SUPT6H: variants seen among roughly 807,000 people sequenced by gnomAD.
SUPT6H encodes the protein SPT6 homolog, histone chaperone and transcription elongation factor, also known as transcription elongation factor SPT6.
In SUPT6H, 11 loss-of-function variants were observed where a neutral mutation model predicts 222.3. That is an observed-to-expected ratio of 0.05 (90% CI 0.03 to 0.08). The LOEUF is 0.08. Ranked by LOEUF, SUPT6H falls within the 10% of genes least tolerant of loss-of-function variation. The probability of loss-of-function intolerance (pLI) is 1.00; values close to 1 mark genes in which losing one functional copy is unlikely to be tolerated. For synonymous variants in SUPT6H, 762 were observed against 801.2 expected (o/e 0.95, Z 0.83); for missense variants, 1,422 against 2,216.0 (o/e 0.64, Z 7.19).
intron 15 of SUPT6H, 74 bp from the exon 16 acceptor site, chr17:28,683,194 A>G: frequency 1.9e-6 from 3 of 1,579,646 alleles, no homozygotes; most frequent in Non-Finnish European, 2.6e-6. Context: ...GTCTGAAAGC[A>G]GAAAGGCTGT....
chr17:28,671,905 G>T (rs2030437170), intron 1 of SUPT6H, among the ~76,000 whole-genome samples: 2 of 152,332 alleles, frequency 1.3e-5, no homozygotes, highest in South Asian at 4.2e-4. Flanking sequence ...TTTATGTTTA[G>T]CCCGTAGGGT....
rs761036826 is a variant in SUPT6H, at chr17:28,687,216, C to T, written c.2829C>T (p.His943=). 6.2e-7 allele frequency: 1 copy of T among 1,614,168 alleles called. No individual in the cohort carries two copies. The highest frequency in any genetic ancestry group is 8.5e-7 in the Non-Finnish European group (1 of 1,180,042). The change falls in exon 22 of 37, where the codon CAC becomes CAT. Residue 943 remains histidine, a synonymous_variant. Coordinates refer to ENST00000314616, the MANE Select transcript of SUPT6H (RefSeq NM_003170.5). ...AAGACATCCTGTGTCTCAAGTTTCA[C>T]CCCTTGCAGGTGAGTAGGATTTGAC... The part of the protein sequence containing the change: ...SDEDILCLKF[H]PLQEHVVKEE...
rs111909384 is a variant in SUPT6H, at chr17:28,678,639, T to C, written c.1206+5T>C. ...GTCTGGCAGTGGGATGAAAAGGTAA[T>C]GTAGATCCGTGGCCCCCAAGAGGTG... On this transcript the variant is annotated splice_donor_5th_base_variant and intron_variant, in intron 10 of 36. Coordinates refer to ENST00000314616, the MANE Select transcript of SUPT6H (RefSeq NM_003170.5). The C allele has an allele frequency of 1.0e-4, 162 of 1,613,952 alleles. No individual in the cohort carries two copies. The African/African-American group carries it at 1.8e-3, about 18-fold the overall frequency.
In SUPT6H at chr17:28,697,686, C is replaced by A; in HGVS notation, c.4276C>A (p.Leu1426Ile). The change falls in exon 31 of 37, where the codon CTT becomes ATT. Residue 1426 changes from leucine (L) to isoleucine (I), a missense_variant. Around this residue, in one of 13 missense-constraint regions of SUPT6H, gnomAD observed 395 missense variants for 580.6 expected, o/e 0.68. Coordinates refer to ENST00000314616, the MANE Select transcript of SUPT6H (RefSeq NM_003170.5). ...VQPMASFARD[L>I]LNHKYYQDCS... ...GCCCATGGCATCCTTTGCCCGGGAC[C>A]TTCTGAATCACAAGTATTATCAGGA... The A allele has an allele frequency of 6.2e-7, 1 of 1,614,222 alleles. No homozygotes were observed. Among genetic ancestry groups the A allele is most frequent in the Non-Finnish European group, 8.5e-7 (1 of 1,180,042 alleles).
chr17:28,683,484 G>GA (rs1870739491), intron 16 of SUPT6H, 62 bp downstream of exon 16: 1 of 1,603,072 alleles, frequency 6.2e-7, no homozygotes, highest in Admixed American at 1.7e-5. Flanking sequence ...CTGGTGGAGG[G>GA]AAGGGCCCCT....
In SUPT6H at chr17:28,697,022, G is replaced by A. The variant is rs1376517296; in HGVS notation, c.4149G>A (p.Val1383=). 1.2e-6 allele frequency: 2 copies of A among 1,613,976 alleles called. No homozygotes were observed. Among genetic ancestry groups the A allele is most frequent in the Non-Finnish European group, 1.7e-6 (2 of 1,180,040 alleles). ...ATGGCATCTACCAGCATGTGGATGT[G>A]CGGGAGGAGGGCAAGGAAAATGCCT... ...VSDGIYQHVD[V]REEGKENAFS... is the part of the protein sequence containing the mutation. Residue 1383 remains valine (V), a synonymous_variant, in exon 30 of 37, where the codon GTG becomes GTA. Coordinates refer to ENST00000314616, the MANE Select transcript of SUPT6H (RefSeq NM_003170.5).
rs945814209 is a variant in SUPT6H at position 28,673,751 on chromosome 17, G to C, written c.109+241G>C. 36 of 497,730 alleles carry C rather than the reference G, an allele frequency of 7.2e-5. No individual in the cohort carries two copies. The East Asian group carries it at 1.1e-3, about 15-fold the overall frequency. 30.8% of individuals were successfully genotyped at this position (497,730 alleles called of 1,614,324 possible). On this transcript the variant is annotated intron_variant, in intron 2 of 36. Coordinates refer to ENST00000314616, the MANE Select transcript of SUPT6H (RefSeq NM_003170.5). ...GCTATTGTGGAGTTTACTTTAGTTG[G>C]GGGGTGGTTGATAATAAATCAGTAG... is the stretch of plus-strand genomic sequence containing the variant.
In SUPT6H at chr17:28,678,654, C is replaced by T. The variant is rs1161766616; in HGVS notation, c.1206+20C>T. On this transcript the variant is annotated intron_variant, in intron 10 of 36. Coordinates refer to ENST00000314616, the MANE Select transcript of SUPT6H (RefSeq NM_003170.5). ...GAAAAGGTAATGTAGATCCGTGGCC[C>T]CCAAGAGGTGTGGGCCAGGGAAGGC... The T allele has an allele frequency of 6.2e-7, 1 of 1,613,392 alleles. No homozygotes were observed. Among genetic ancestry groups the T allele is most frequent in the Non-Finnish European group, 8.5e-7 (1 of 1,179,798 alleles).
intron 1 of SUPT6H, 33 bp from the exon 2 acceptor site, chr17:28,673,338 G>T: frequency 7.2e-7 from 1 of 1,392,324 alleles, no homozygotes; most frequent in South Asian, 1.2e-5. Context: ...TCATGTGTCC[G>T]TTTTTTTATC....
chr17:28,669,442 C>G (rs187836880), intron 1 of SUPT6H, among the ~76,000 whole-genome samples: 1 of 152,150 alleles, frequency 6.6e-6, no homozygotes, highest in South Asian at 2.1e-4. Context: ...CGGCCTGCCT[C>G]GGCCTGGGGT....
chr17:28,686,396 A>G lies in SUPT6H; in HGVS notation c.2545A>G (p.Thr849Ala). The change falls in exon 20 of 37, where the codon ACA (threonine) becomes GCA (alanine). Residue 849 changes from threonine (T) to alanine (A), a missense_variant. By Grantham distance (58) the Thr-to-Ala change is moderately conservative. Transcript: ENST00000314616. ...FLLNKKPHVV[T>A]VAGENRDAQM... Reference sequence around the variant, plus strand: ...CCTGAATAAGAAGCCTCATGTAGTGACAGTTGCAGGAGAGAACAGGTAGGT... The same window carrying G: ...CCTGAATAAGAAGCCTCATGTAGTGGCAGTTGCAGGAGAGAACAGGTAGGT... 6.2e-7 allele frequency: 1 copy of G among 1,614,240 alleles called. No homozygotes were observed. Among genetic ancestry groups the G allele is most frequent in the Non-Finnish European group, 8.5e-7 (1 of 1,180,044 alleles).
chr17:28,685,023 G>C lies in SUPT6H; in HGVS notation c.2487+62G>C, dbSNP rs1345060064. On this transcript the variant is annotated intron_variant, in intron 19 of 36. Coordinates refer to ENST00000314616, the MANE Select transcript of SUPT6H (RefSeq NM_003170.5). ...GGAGTATGTCTTATGATTCAGTGGA[G>C]ATAAGTGTTTACGGTCTAAGCAACA... 51 of 1,483,788 alleles carry C rather than the reference G, an allele frequency of 3.4e-5. 1 individual carries two copies. The highest frequency in any genetic ancestry group is 2.2e-4 in the Middle Eastern group (1 of 4,598). 91.9% of individuals were successfully genotyped at this position (1,483,788 alleles called of 1,614,324 possible). A position where few individuals can be genotyped will look rare whatever the true frequency, so the allele number is the denominator to read the frequency against.
rs111909384 is a variant in SUPT6H at position 28,678,639 on chromosome 17, T to A, written c.1206+5T>A. ...GTCTGGCAGTGGGATGAAAAGGTAA[T>A]GTAGATCCGTGGCCCCCAAGAGGTG... On this transcript the variant is annotated splice_donor_5th_base_variant and intron_variant, in intron 10 of 36. Transcript: ENST00000314616. The A allele has an allele frequency of 6.2e-7, 1 of 1,613,952 alleles. No individual in the cohort carries two copies. The highest frequency in any genetic ancestry group is 1.7e-5 in the Admixed American group (1 of 60,012).
At chr17:28,678,501 A>G (rs1177924945) in intron 9 of SUPT6H, 44 bp from the exon 10 acceptor site, 1 of 1,582,348 alleles carries the variant, frequency 6.3e-7, no homozygotes, top group South Asian at 1.1e-5. Context: ...GGATCTTAGC[A>G]AATCTGTCTT....
At position 28,678,925 on chromosome 17, in the gene SUPT6H, T is replaced by C. The variant is rs1349292251; in HGVS notation, c.1311T>C (p.Ala437=). ...QISADPDKPL[A]DGIRALDTTD... ...CTGCTGACCCTGACAAACCTCTTGC[T>C]GATGGCATCCGGGCTCTGGACACCA... The change falls in exon 11 of 37, where the codon GCT becomes GCC. Residue 437 remains alanine, a synonymous_variant. Coordinates refer to ENST00000314616, the MANE Select transcript of SUPT6H (RefSeq NM_003170.5). 2 of 1,614,274 alleles carry C rather than the reference T, an allele frequency of 1.2e-6. No individual in the cohort carries two copies. Among genetic ancestry groups the C allele is most frequent in the Non-Finnish European group, 8.5e-7 (1 of 1,180,056 alleles).
Position 28,662,254 on chromosome 17 carries a change from C to T in SUPT6H, c.-120C>T, listed in dbSNP as rs1445128201. ...GCGGCGGAGGGGCCGTGCGGTGGGT[C>T]CGTACTATCTTTTCCCAGTCTCGGT... On this transcript the variant is annotated 5_prime_UTR_variant, in exon 1 of 37. Coordinates refer to ENST00000314616, the MANE Select transcript of SUPT6H (RefSeq NM_003170.5). The T allele has an allele frequency of 2.6e-5, 5 of 193,186 alleles. No individual in the cohort carries two copies. In the South Asian group the frequency reaches 3.4e-4, roughly 13 times the overall value. The allele number at this position is 193,186 out of a possible 1,614,324, so 12.0% of individuals were successfully genotyped here. A position where few individuals can be genotyped will look rare whatever the true frequency, so the allele number is the denominator to read the frequency against.
intron 30 of SUPT6H, 48 bp downstream of exon 30, chr17:28,697,130 A>G: frequency 6.4e-7 from 1 of 1,566,934 alleles, no homozygotes; most frequent in Non-Finnish European, 8.8e-7. Context: ...TGCTTCCAGA[A>G]AGGTGCCCTT....
At chr17:28,697,365 T>C (rs1416799978) in intron 30 of SUPT6H, among the ~76,000 whole-genome samples, 1 of 152,208 alleles carries the variant, frequency 6.6e-6, no homozygotes, top group Non-Finnish European at 1.5e-5. Flanking sequence ...AGTTTCTCTT[T>C]TCTGTTTTCA....
intron 1 of SUPT6H, among the ~76,000 whole-genome samples, chr17:28,666,170 A>C (rs953930322): frequency 1.3e-5 from 2 of 152,216 alleles, no homozygotes; most frequent in Non-Finnish European, 2.9e-5. Flanking sequence ...CTTACTCTTA[A>C]GGTCTTTGTT....
Sources: gnomAD v4.1 joint callset for allele counts (sites outside exome capture counted in the v4.1 genomes callset) on GRCh38, gnomAD v4.1.1 for gene constraint, gnomAD v4.1.1 regional missense constraint, MANE v1.5 for transcripts, NCBI Gene and HGNC (gene_info 2026-07-23, HGNC 2026-07-21) for gene names.